CEP95: variants seen among roughly 807,000 people sequenced by gnomAD.
CEP95 encodes centrosomal protein 95, also known as centrosomal protein of 95 kDa.
CEP95 carries 98 observed loss-of-function variants against 111.2 expected under a neutral mutation model. The ratio of observed to expected loss-of-function variants is 0.88; its 90% CI spans 0.75 to 1.04. The LOEUF is 1.04. Ranked by LOEUF, CEP95 falls within the 50% of genes least tolerant of loss-of-function variation. The pLI, the probability that CEP95 is intolerant of heterozygous loss-of-function variation, is 0.00. For missense variants in CEP95, 1,027 were observed against 977.2 expected (o/e 1.05, Z -0.68); for synonymous variants, 323 against 327.1 (o/e 0.99, Z 0.14).
chr17:64,516,943 A>G, intron 5 of CEP95, 115 bp downstream of exon 5: 1 of 586,706 alleles, frequency 1.7e-6, no homozygotes, highest in Non-Finnish European at 3.0e-6. Context: ...TGAAACTTCT[A>G]CTAACTTCTC....
At chr17:64,509,713 G>A (rs2038784401) in intron 2 of CEP95, among the ~76,000 whole-genome samples, 1 of 151,866 alleles carries the variant, frequency 6.6e-6, no homozygotes, top group African/African-American at 2.4e-5. Flanking sequence ...ATACATATGT[G>A]TATATATAAG....
chr17:64,535,762 C>CA (rs1968610306), intron 17 of CEP95: 1 of 152,114 alleles, frequency 6.6e-6, no homozygotes, highest in Non-Finnish European at 1.5e-5. Context: ...ACAAAAAACA[C>CA]AAATGTTCAT....
chr17:64,511,303 G>T (rs9916820), intron 3 of CEP95, among the ~76,000 whole-genome samples: 1 of 152,156 alleles, frequency 6.6e-6, no homozygotes, highest in African/African-American at 2.4e-5. Flanking sequence ...GCCTGGGAGC[G>T]ATATGGGAGA....
chr17:64,537,210 A>C, intron 19 of CEP95, 98 bp downstream of exon 19: 8 of 1,533,898 alleles, frequency 5.2e-6, no homozygotes, highest in Non-Finnish European at 7.0e-6. Context: ...AGGCTGTATC[A>C]TATAGCCCCG....
chr17:64,519,292 G>T, intron 5 of CEP95, 29 bp from the exon 6 acceptor site: 1 of 1,522,206 alleles, frequency 6.6e-7, no homozygotes, highest in Non-Finnish European at 9.1e-7. Context: ...GTCAGGCTGG[G>T]CCCTGAGTGA....
rs1338624605 is a variant in CEP95 at position 64,507,182 on chromosome 17, G to T, written c.19+66G>T. The T allele has an allele frequency of 1.3e-6, 2 of 1,550,300 alleles. 1 individual carries two copies. Among genetic ancestry groups the T allele is most frequent in the Non-Finnish European group, 1.7e-6 (2 of 1,146,464 alleles). On this transcript the variant is annotated intron_variant, in intron 1 of 19. Transcript: ENST00000556440. ...CCGTCCACCTCCAGGGAGGCCTCGG[G>T]CTAGCCCGGACTGGGTCTGGGCTGT...
chr17:64,510,086 A>G (rs1445577940), intron 2 of CEP95, 87 bp from the exon 3 acceptor site: 2 of 723,814 alleles, frequency 2.8e-6, no homozygotes, highest in East Asian at 5.4e-5. Context: ...ATAGCAGTTG[A>G]GCATATTCAG....
intron 1 of CEP95, 88 bp downstream of exon 1, chr17:64,507,204 C>T: frequency 1.3e-6 from 2 of 1,536,368 alleles, no homozygotes; most frequent in Non-Finnish European, 1.8e-6. Flanking sequence ...TGGGTCTGGG[C>T]TGTCGGCGGG....
intron 19 of CEP95, chr17:64,537,315 C>T (rs1968726798): frequency 1.1e-5 from 16 of 1,401,802 alleles, no homozygotes; most frequent in Non-Finnish European, 1.5e-5. Flanking sequence ...TGGAACATAT[C>T]TCCATCATTA....
chr17:64,528,519 G>T (rs542957637), intron 11 of CEP95, among the ~76,000 whole-genome samples: 1 of 152,226 alleles, frequency 6.6e-6, no homozygotes, highest in African/African-American at 2.4e-5. Context: ...AATACATCAT[G>T]AGCAGCTATC....
chr17:64,537,877 T>C lies in CEP95; in HGVS notation c.*98T>C, dbSNP rs1395697170. 19 of 583,332 alleles carry C rather than the reference T, an allele frequency of 3.3e-5. No individual in the cohort carries two copies. Among genetic ancestry groups the C allele is most frequent in the Non-Finnish European group, 4.7e-5 (18 of 381,936 alleles). The allele number at this position is 583,332 out of a possible 1,614,324, so 36.1% of individuals were successfully genotyped here. ...ACAGTCTAAGCCAGAAAAATAATTT[T>C]CAAATGCTTTACCTGTATTTTCATT... is the stretch of plus-strand genomic sequence containing the variant. On this transcript the variant is annotated 3_prime_UTR_variant, in exon 20 of 20. Transcript: ENST00000556440.
Position 64,532,757 on chromosome 17 carries a change from C to T in CEP95, c.1673-82C>T, listed in dbSNP as rs190755881. 1.3e-6 allele frequency: 2 copies of T among 1,504,094 alleles called. 1 individual carries two copies. The highest frequency in any genetic ancestry group is 2.7e-5 in the South Asian group (2 of 73,000). The allele number at this position is 1,504,094 out of a possible 1,614,324, so 93.2% of individuals were successfully genotyped here. Reference sequence around the variant, plus strand: ...TTCAGGATCAAAACCACATCACTTACATAAGCTTTGATCTACCAGGGATGT... The same window carrying T: ...TTCAGGATCAAAACCACATCACTTATATAAGCTTTGATCTACCAGGGATGT... On this transcript the variant is annotated intron_variant, in intron 14 of 19. Coordinates refer to ENST00000556440, the MANE Select transcript of CEP95 (RefSeq NM_138363.3).
chr17:64,519,218 G>T, intron 5 of CEP95, 103 bp from the exon 6 acceptor site: 2 of 702,548 alleles, frequency 2.8e-6, no homozygotes, highest in Non-Finnish European at 5.1e-6. Flanking sequence ...AGCAGCAAAA[G>T]GGAGAGTCTT....
At chr17:64,529,267 T>A in intron 11 of CEP95, 21 bp from the exon 12 acceptor site, 2 of 1,599,480 alleles carry the variant, frequency 1.3e-6, no homozygotes, top group South Asian at 2.3e-5. Flanking sequence ...ACTAATGTTA[T>A]ATGTCTTTTC....
intron 17 of CEP95, chr17:64,535,134 G>C (rs2144548654): frequency 4.5e-6 from 1 of 221,848 alleles, no homozygotes; most frequent in East Asian, 1.3e-4. Context: ...GATGACATTT[G>C]CTATGTCATC....
Position 64,521,388 on chromosome 17 carries a change from A to AT in CEP95, c.590-10dup. The AT allele has an allele frequency of 1.9e-6, 3 of 1,595,040 alleles. No individual in the cohort carries two copies. The highest frequency in any genetic ancestry group is 2.6e-6 in the Non-Finnish European group (3 of 1,169,840). On this transcript the variant is annotated splice_polypyrimidine_tract_variant and intron_variant, in intron 6 of 19. Transcript: ENST00000556440. ...GATAGTTAAAAATTTTACCTTTAAT[A>AT]TTTTCTTTCCTAGGTGCTCAATGTC...
chr17:64,519,046 G>A (rs1246438760), intron 5 of CEP95, among the ~76,000 whole-genome samples: 3 of 152,118 alleles, frequency 2.0e-5, no homozygotes, highest in East Asian at 3.9e-4. Flanking sequence ...ACAATTGAAG[G>A]ATATTTAATG....
At chr17:64,526,633 A>C (rs1405349752) in intron 10 of CEP95, among the ~76,000 whole-genome samples, 4 of 152,198 alleles carry the variant, frequency 2.6e-5, no homozygotes, top group Non-Finnish European at 4.4e-5. Flanking sequence ...ATTGAAACTT[A>C]GTGATCCATA....
intron 2 of CEP95, among the ~76,000 whole-genome samples, chr17:64,509,962 G>C (rs1351033116): frequency 6.6e-6 from 1 of 151,838 alleles, no homozygotes; most frequent in Non-Finnish European, 1.5e-5. Context: ...GTCTAATATT[G>C]ATAAATCGGT....
Sources: gnomAD v4.1 joint callset for allele counts (sites outside exome capture counted in the v4.1 genomes callset) on GRCh38, gnomAD v4.1.1 for gene constraint, MANE v1.5 for transcripts, NCBI Gene and HGNC (gene_info 2026-07-23, HGNC 2026-07-21) for gene names.